JMJD1C: variants seen among roughly 807,000 people sequenced by gnomAD.
JMJD1C encodes jumonji domain containing 1C.
In JMJD1C, 31 loss-of-function variants were observed where a neutral mutation model predicts 245.3. The observed-to-expected ratio is 0.13, with a 90% CI of 0.09 to 0.17. The LOEUF (loss-of-function observed/expected upper bound fraction) is 0.17, where lower values mean the gene tolerates loss of function less well. Ranked by LOEUF, JMJD1C falls within the 10% of genes least tolerant of loss-of-function variation. The probability of loss-of-function intolerance (pLI) is 1.00; values close to 1 mark genes in which losing one functional copy is unlikely to be tolerated. For missense variants in JMJD1C, 2,691 were observed against 3,000.2 expected (o/e 0.90, Z 2.41); for synonymous variants, 1,057 against 1,017.4 (o/e 1.04, Z -0.74).
In JMJD1C at chr10:63,507,644, CAAAAAA is replaced by C. The variant is rs34738955; in HGVS notation, n.113+14088_113+14093del. 7.1e-4 allele frequency among the ~76,000 whole-genome samples: 42 copies of C among 58,768 alleles called. 7 individuals are homozygous for C. The highest frequency in any genetic ancestry group is 3.6e-3 in the South Asian group (5 of 1,382). The allele number at this position is 58,768 out of a possible 152,430, so 38.6% of individuals were successfully genotyped here. The stretch of plus-strand genomic sequence containing the variant: ...TGGGCAACAGAGTAAGACTCTGTCT[CAAAAAA>C]AAAAAAAAAAAAACAGTGGCTGTGC... On this transcript the variant is annotated intron_variant and non_coding_transcript_variant, in intron 1 of 3. Transcript: ENST00000633035.
At position 63,245,473 on chromosome 10, in the gene JMJD1C, G is replaced by A. The variant is rs1852074748; in HGVS notation, c.447+19178C>T. Among the ~76,000 whole-genome samples the A allele has an allele frequency of 2.1e-5, 2 of 93,534 alleles. 1 individual carries two copies. Among genetic ancestry groups the A allele is most frequent in the Admixed American group, 2.5e-4 (2 of 8,126 alleles). 61.4% of individuals were successfully genotyped at this position (93,534 alleles called of 152,430 possible). On this transcript the variant is annotated intron_variant, in intron 3 of 25. Transcript: ENST00000399262. ...GCAAAGAGAGGGAGCTTCTGCAGGG[G>A]AACTCTTTTTTTTTTTTTTTTTTTT...
chr10:63,500,689 G>A (rs529960424), intron 1 of JMJD1C, among the ~76,000 whole-genome samples: 6 of 152,098 alleles, frequency 3.9e-5, no homozygotes, highest in African/African-American at 1.2e-4. Flanking sequence ...CTGAGATCGG[G>A]CCACTGAGCC....
intron 2 of JMJD1C, among the ~76,000 whole-genome samples, chr10:63,355,890 CA>C (rs2134323219): frequency 6.6e-6 from 1 of 152,092 alleles, no homozygotes; most frequent in South Asian, 2.1e-4. Flanking sequence ...ATTTAAAGCC[CA>C]AAGAAACCAC....
intron 1 of JMJD1C, among the ~76,000 whole-genome samples, chr10:63,498,428 C>G (rs1471079683): frequency 3.3e-5 from 5 of 152,138 alleles, no homozygotes; most frequent in Non-Finnish European, 7.4e-5. Context: ...AAAGCTTCTA[C>G]TTTCACATTT....
At chr10:63,365,664 G>A (rs1945777767) in intron 2 of JMJD1C, among the ~76,000 whole-genome samples, 1 of 152,174 alleles carries the variant, frequency 6.6e-6, no homozygotes, top group South Asian at 2.1e-4. Flanking sequence ...ACTCTCAGTT[G>A]TGCTACTAAT....
At chr10:63,458,927 GC>G (rs1372732613) in intron 1 of JMJD1C, among the ~76,000 whole-genome samples, 1 of 152,000 alleles carries the variant, frequency 6.6e-6, no homozygotes, top group East Asian at 1.9e-4. Flanking sequence ...TCACCATGTT[GC>G]CCAGGCTGGT....
intron 1 of JMJD1C, among the ~76,000 whole-genome samples, chr10:63,414,753 C>A (rs1949701525): frequency 6.6e-6 from 1 of 151,610 alleles, no homozygotes; most frequent in Admixed American, 6.6e-5. Context: ...ACAACAACAA[C>A]AAAACTCACC....
chr10:63,189,449 A>G lies in JMJD1C; in HGVS notation c.6292-3T>C, dbSNP rs562569205. 604 of 1,589,158 alleles carry G rather than the reference A, an allele frequency of 3.8e-4. 9 individuals carry two copies. In the South Asian group the frequency reaches 6.3e-3, roughly 17 times the overall value. ...ATAGTCCGTCCACTTTTGCTACTCTATTAAGGAAAAAACAAAACAAAAAAA... is the reference window on the plus strand; with the variant it reads ...ATAGTCCGTCCACTTTTGCTACTCTGTTAAGGAAAAAACAAAACAAAAAAA... On this transcript the variant is annotated splice_region_variant and splice_polypyrimidine_tract_variant and intron_variant, in intron 17 of 25. Transcript: ENST00000399262.
intron 2 of JMJD1C, among the ~76,000 whole-genome samples, chr10:63,319,222 ACTC>A (rs941301440): frequency 7.0e-6 from 1 of 141,846 alleles, no homozygotes; most frequent in African/African-American, 2.6e-5. Context: ...GCGCCACTGC[ACTC>A]CAGCCTGGGC....
At chr10:63,385,140 C>G (rs1947487878) in intron 1 of JMJD1C, among the ~76,000 whole-genome samples, 1 of 152,066 alleles carries the variant, frequency 6.6e-6, no homozygotes, top group African/African-American at 2.4e-5. Flanking sequence ...GTTAGTGGAG[C>G]AGTCAGAACA....
intron 4 of JMJD1C, among the ~76,000 whole-genome samples, chr10:63,218,641 C>T (rs900667131): frequency 2.0e-5 from 3 of 152,092 alleles, no homozygotes; most frequent in African/African-American, 7.2e-5. Flanking sequence ...CACAATTCTG[C>T]ATAGAATGAA....
intron 2 of JMJD1C, among the ~76,000 whole-genome samples, chr10:63,291,134 C>G (rs4486510): frequency 0.86 from 130,061 of 151,222 alleles, 56,604 homozygotes; most frequent in African/African-American, 0.96. Context: ...GTGAAACTCT[C>G]TCTCTACTAA....
chr10:63,490,491 C>T (rs1188451970), intron 1 of JMJD1C, among the ~76,000 whole-genome samples: 1 of 151,766 alleles, frequency 6.6e-6, no homozygotes, highest in Non-Finnish European at 1.5e-5. Flanking sequence ...TCTTGGCTCC[C>T]CGCAACCTCC....
At chr10:63,464,180 C>T (rs1178549294) in intron 1 of JMJD1C, among the ~76,000 whole-genome samples, 2 of 152,034 alleles carry the variant, frequency 1.3e-5, no homozygotes, top group African/African-American at 2.4e-5. Context: ...CATTTCTATA[C>T]GAAAATAACC....
intron 1 of JMJD1C, among the ~76,000 whole-genome samples, chr10:63,454,427 T>A (rs1476407012): frequency 1.3e-5 from 2 of 151,750 alleles, no homozygotes; most frequent in Non-Finnish European, 2.9e-5. Flanking sequence ...CCAGCTAATT[T>A]TTTTGTTGTT....
chr10:63,421,958 G>A (rs1297957958), intron 1 of JMJD1C, among the ~76,000 whole-genome samples: 1 of 152,106 alleles, frequency 6.6e-6, no homozygotes, highest in Non-Finnish European at 1.5e-5. Flanking sequence ...ACCTGTCTAT[G>A]ATATTTTGCT....
chr10:63,424,413 T>C (rs1033906251), intron 1 of JMJD1C, among the ~76,000 whole-genome samples: 1 of 151,950 alleles, frequency 6.6e-6, no homozygotes, highest in African/African-American at 2.4e-5. Flanking sequence ...CATATAAAAC[T>C]ATTGTTTATA....
At chr10:63,512,947 A>G (rs1257997365) in intron 1 of JMJD1C, among the ~76,000 whole-genome samples, 2 of 152,042 alleles carry the variant, frequency 1.3e-5, no homozygotes, top group African/African-American at 4.8e-5. Flanking sequence ...AAGCTCAGAG[A>G]TTTTTAAAAG....
At chr10:63,437,742 T>C (rs1951137682) in intron 1 of JMJD1C, among the ~76,000 whole-genome samples, 1 of 152,214 alleles carries the variant, frequency 6.6e-6, no homozygotes, top group Admixed American at 6.5e-5. Flanking sequence ...ACTATTACAC[T>C]GAAACTGCTG....
Sources: allele counts gnomAD v4.1 joint callset (sites outside exome capture counted in the v4.1 genomes callset), GRCh38; gene constraint gnomAD v4.1.1; transcripts MANE v1.5; gene names NCBI Gene and HGNC (gene_info 2026-07-23, HGNC 2026-07-21).